PTPRE: variants seen among roughly 807,000 people sequenced by gnomAD.
The protein encoded by PTPRE is receptor-type tyrosine-protein phosphatase epsilon.
Under a neutral mutation model 102.0 loss-of-function variants are expected in PTPRE, and 51 were observed. That is an observed-to-expected ratio of 0.50 (90% CI 0.40 to 0.63). The LOEUF is 0.63. Ranked by LOEUF, PTPRE falls within the 30% of genes least tolerant of loss-of-function variation. PTPRE has a pLI of 0.00. For synonymous variants in PTPRE, 345 were observed against 348.2 expected (o/e 0.99, Z 0.10); for missense variants, 752 against 915.1 (o/e 0.82, Z 2.30).
intron 1 of PTPRE, among the ~76,000 whole-genome samples, chr10:127,966,988 G>T (rs1850303856): frequency 6.6e-6 from 1 of 152,204 alleles, no homozygotes; most frequent in South Asian, 2.1e-4. Flanking sequence ...ACAAAGGCTT[G>T]CTCTGTAAGA....
chr10:127,970,859 G>T (rs1040821904), intron 1 of PTPRE, among the ~76,000 whole-genome samples: 1 of 151,808 alleles, frequency 6.6e-6, no homozygotes, highest in African/African-American at 2.4e-5. Context: ...CTGGGGAAGG[G>T]TCACTTCATT....
Position 128,082,986 on chromosome 10 carries a change from CATT to C in PTPRE, c.*82_*84del. On this transcript the variant is annotated 3_prime_UTR_variant, in exon 21 of 21. Coordinates refer to ENST00000254667, the MANE Select transcript of PTPRE (RefSeq NM_006504.6). ...TCATGTTAATTTATTTCATAGTTGA[CATT>C]AATATCTTCCCTAATTTCTTTGTAT... 7.7e-7 allele frequency: 1 copy of C among 1,297,706 alleles called. No individual in the cohort carries two copies. The highest frequency in any genetic ancestry group is 1.0e-6 in the Non-Finnish European group (1 of 981,840). 80.4% of individuals were successfully genotyped at this position (1,297,706 alleles called of 1,614,324 possible).
At position 128,070,565 on chromosome 10, in the gene PTPRE, G is replaced by GA. The variant is rs1200365944; in HGVS notation, c.1293+120dup. 7.3e-7 allele frequency: 1 copy of GA among 1,376,376 alleles called. No homozygotes were observed. The highest frequency in any genetic ancestry group is 1.5e-5 in the South Asian group (1 of 68,792). 85.3% of individuals were successfully genotyped at this position (1,376,376 alleles called of 1,614,324 possible). On this transcript the variant is annotated intron_variant, in intron 14 of 20. Coordinates refer to ENST00000254667, the MANE Select transcript of PTPRE (RefSeq NM_006504.6). This position sits in a 1 kb window ranked among gnomAD's most constrained non-coding sequence, Gnocchi z 4.8. The stretch of plus-strand genomic sequence containing the variant: ...ATCACTTGCCCCTTAACTGACCTCA[G>GA]AAAAAGCAGGGGCAATACCTGAGCC...
intron 2 of PTPRE, among the ~76,000 whole-genome samples, chr10:128,014,493 G>C (rs200620457): frequency 6.6e-6 from 1 of 152,036 alleles, no homozygotes; most frequent in Non-Finnish European, 1.5e-5. Context: ...GCCCTAATTA[G>C]ATATTTACAC....
chr10:127,932,607 A>G lies in PTPRE; in HGVS notation c.-31+25298A>G, dbSNP rs373434365. On this transcript the variant is annotated intron_variant, in intron 1 of 20. Transcript: ENST00000254667. Reference sequence around the variant, plus strand: ...CAGCAACAGAGACAGGAGGGTGGAGAAGGGCGCCTGTGCTCTTTTGCAGCT... The same window carrying G: ...CAGCAACAGAGACAGGAGGGTGGAGGAGGGCGCCTGTGCTCTTTTGCAGCT... Among the ~76,000 whole-genome samples the G allele has an allele frequency of 1.5e-4, 23 of 152,242 alleles. No individual in the cohort carries two copies. The East Asian group carries it at 4.1e-3, about 27-fold the overall frequency.
chr10:128,070,351 G>C lies in PTPRE; in HGVS notation c.1194G>C (p.Gly398=). 6.2e-7 allele frequency: 1 copy of C among 1,614,136 alleles called. No individual in the cohort carries two copies. Among genetic ancestry groups the C allele is most frequent in the Non-Finnish European group, 8.5e-7 (1 of 1,180,008 alleles). ...YQALLEYYLY[G]DTELDVSSLE... ...CCTTACTCGAGTACTACCTCTACGG[G>C]GACACAGAGCTGGACGTGTCCTCCC... Residue 398 remains glycine (G), a synonymous_variant, in exon 14 of 21, where the codon GGG becomes GGC. Transcript: ENST00000254667. The surrounding 1 kb of genome is among the most constrained non-coding windows in gnomAD (Gnocchi z 4.8).
chr10:128,048,459 C>G (rs907378297), intron 5 of PTPRE, among the ~76,000 whole-genome samples: 3 of 152,166 alleles, frequency 2.0e-5, no homozygotes, highest in Non-Finnish European at 2.9e-5. Flanking sequence ...AGCTTCCTAC[C>G]TAACTGTAGT....
intron 1 of PTPRE, among the ~76,000 whole-genome samples, chr10:127,930,078 A>T (rs1847312015): frequency 6.6e-6 from 1 of 151,590 alleles, no homozygotes; most frequent in East Asian, 1.9e-4. Flanking sequence ...AAAAAAAAAA[A>T]AAGAAAGAAA....
intron 1 of PTPRE, among the ~76,000 whole-genome samples, chr10:127,973,637 G>A (rs1381564268): frequency 6.6e-6 from 1 of 151,758 alleles, no homozygotes; most frequent in African/African-American, 2.4e-5. Flanking sequence ...TCTGCTCTGA[G>A]TACCATATTC....
intron 2 of PTPRE, among the ~76,000 whole-genome samples, chr10:128,035,857 C>T (rs796502756): frequency 3.3e-5 from 5 of 152,274 alleles, no homozygotes; most frequent in African/African-American, 7.2e-5. Flanking sequence ...ATTGAGGTGC[C>T]GGAGAGAAAG....
intron 1 of PTPRE, among the ~76,000 whole-genome samples, chr10:127,914,895 G>A (rs1404910975): frequency 1.3e-5 from 2 of 152,158 alleles, no homozygotes; most frequent in African/African-American, 2.4e-5. Context: ...CACAGGGGTG[G>A]CATATCCTCA....
chr10:127,978,801 A>G (rs1851389557), intron 1 of PTPRE, among the ~76,000 whole-genome samples: 1 of 152,092 alleles, frequency 6.6e-6, no homozygotes. Context: ...AGGGTGGATC[A>G]CTTGAGGTCA....
intron 7 of PTPRE, among the ~76,000 whole-genome samples, chr10:128,059,670 C>T (rs994733246): frequency 1.3e-5 from 2 of 152,136 alleles, no homozygotes; most frequent in South Asian, 2.1e-4. Flanking sequence ...CCAGCCTGGC[C>T]GAGCCGGACG....
At chr10:127,923,398 A>T (rs1260280654) in intron 1 of PTPRE, among the ~76,000 whole-genome samples, 21 of 106,916 alleles carry the variant, frequency 2.0e-4, no homozygotes, top group Non-Finnish European at 3.3e-4. Flanking sequence ...ACCAGTTTGA[A>T]TTTTTTTTTT....
In PTPRE at chr10:127,907,194, CCTT is replaced by C. The variant is rs1295750560; in HGVS notation, c.-141_-139del. Reference sequence around the variant, plus strand: ...CACGGCCTCTGCGCGTCCCCGCGACCCTTCTTCGCGCCCGGCGAAGACAGCCGG... The same window carrying C: ...CACGGCCTCTGCGCGTCCCCGCGACCCTTCGCGCCCGGCGAAGACAGCCGG... On this transcript the variant is annotated 5_prime_UTR_variant, in exon 1 of 21. Transcript: ENST00000254667. The surrounding 1 kb of genome is among the most constrained non-coding windows in gnomAD (Gnocchi z 4.8). The C allele has an allele frequency of 4.3e-6, 4 of 938,618 alleles. No homozygotes were observed. In the African/African-American group the frequency reaches 7.1e-5, roughly 17 times the overall value. 58.1% of individuals were successfully genotyped at this position (938,618 alleles called of 1,614,324 possible).
At chr10:128,075,020 G>A (rs1320796578) in intron 17 of PTPRE, among the ~76,000 whole-genome samples, 1 of 152,188 alleles carries the variant, frequency 6.6e-6, no homozygotes, top group East Asian at 1.9e-4. Flanking sequence ...TACGTAGACT[G>A]TTGTTTAGTT....
intron 1 of PTPRE, among the ~76,000 whole-genome samples, chr10:127,927,671 G>A (rs1847134381): frequency 6.6e-6 from 1 of 152,156 alleles, no homozygotes; most frequent in African/African-American, 2.4e-5. Flanking sequence ...AGCTAGTTTT[G>A]TGCCACCTTC....
chr10:127,943,585 C>G (rs551387883), intron 1 of PTPRE, among the ~76,000 whole-genome samples: 79 of 152,278 alleles, frequency 5.2e-4, no homozygotes, highest in African/African-American at 1.9e-3. Flanking sequence ...GAAGCTCCAC[C>G]CACCAACACC....
At chr10:128,066,701 A>G (rs1243909188) in intron 11 of PTPRE, among the ~76,000 whole-genome samples, 2 of 152,262 alleles carry the variant, frequency 1.3e-5, no homozygotes, top group African/African-American at 4.8e-5. Flanking sequence ...TTAAAACCAT[A>G]GAGAAAAGAC....
Sources: allele counts gnomAD v4.1 joint callset (sites outside exome capture counted in the v4.1 genomes callset), GRCh38; gene constraint gnomAD v4.1.1; non-coding constraint Gnocchi (gnomAD v3.1); transcripts MANE v1.5; gene names NCBI Gene and HGNC (gene_info 2026-07-23, HGNC 2026-07-21).